Variants in PLEKHA8 observed in about 807,000 individuals in gnomAD.
The protein encoded by PLEKHA8 is pleckstrin homology domain containing A8.
Under a neutral mutation model 68.2 loss-of-function variants are expected in PLEKHA8, and 36 were observed. The ratio of observed to expected loss-of-function variants is 0.53; its 90% CI spans 0.40 to 0.70. The LOEUF is 0.70. Ranked by LOEUF, PLEKHA8 falls within the 30% of genes least tolerant of loss-of-function variation. The pLI, the probability that PLEKHA8 is intolerant of heterozygous loss-of-function variation, is 0.00. For synonymous variants in PLEKHA8, 211 were observed against 216.1 expected, an observed-to-expected ratio of 0.98 and a Z score of 0.20; for missense variants, 505 against 615.4, an observed-to-expected ratio of 0.82 and a Z score of 1.90.
Position 30,055,019 on chromosome 7 carries a change from A to G in PLEKHA8, c.953+154A>G, listed in dbSNP as rs548368197. Among the ~76,000 whole-genome samples the G allele has an allele frequency of 6.6e-5, 10 of 152,358 alleles. No individual in the cohort carries two copies. The East Asian group carries it at 1.3e-3, about 21-fold the overall frequency. ...CTTTACTGTTTACTCTTTCTTACCA[A>G]TGAATAAGAAGGAATTCATTGTGAA... On this transcript the variant is annotated intron_variant, in intron 8 of 13. Transcript: ENST00000449726.
chr7:30,052,766 G>A lies in PLEKHA8; in HGVS notation c.696G>A (p.Glu232=). The A allele has an allele frequency of 3.2e-6, 5 of 1,566,802 alleles. No homozygotes were observed. Among genetic ancestry groups the A allele is most frequent in the Non-Finnish European group, 3.4e-6 (4 of 1,164,786 alleles). The change falls in exon 7 of 14, where the codon GAG becomes GAA. Residue 232 remains glutamate, a synonymous_variant. Coordinates refer to ENST00000449726, the MANE Select transcript of PLEKHA8 (RefSeq NM_001197026.2). ...NGSLNMEING[E]EEILMKNKNS... is the part of the protein sequence containing the mutation. ...CTTTAAATATGGAAATAAATGGTGA[G>A]GAAGAAATCCTAATGAAAAATAAGA...
At chr7:30,031,474 T>C (rs1475476015) in intron 1 of PLEKHA8, among the ~76,000 whole-genome samples, 3 of 152,220 alleles carry the variant, frequency 2.0e-5, no homozygotes, top group South Asian at 4.1e-4. Flanking sequence ...CAAAGCAGAA[T>C]GGAGACGTGC....
chr7:30,126,028 G>C (rs558835171), intron 13 of PLEKHA8, among the ~76,000 whole-genome samples: 1 of 152,072 alleles, frequency 6.6e-6, no homozygotes, highest in East Asian at 1.9e-4. Flanking sequence ...TGTCACATTT[G>C]AGGGTTACCA....
At chr7:30,121,453 AC>A (rs1185307477) in intron 13 of PLEKHA8, among the ~76,000 whole-genome samples, 1 of 151,496 alleles carries the variant, frequency 6.6e-6, no homozygotes, top group Admixed American at 6.6e-5. Context: ...ACATGGTGAA[AC>A]CCCCTCTCTA....
intron 9 of PLEKHA8, among the ~76,000 whole-genome samples, chr7:30,059,042 G>C (rs929755137): frequency 1.8e-4 from 28 of 152,204 alleles, no homozygotes; most frequent in African/African-American, 6.5e-4. Context: ...AATCACACGA[G>C]CCTGGGATAT....
At chr7:30,049,451 G>A (rs1792234520) in intron 5 of PLEKHA8, 69 bp downstream of exon 5, 2 of 1,556,606 alleles carry the variant, frequency 1.3e-6, no homozygotes, top group Admixed American at 1.8e-5. Flanking sequence ...AGTGAGTTAT[G>A]TTCTCTATTA....
intron 12 of PLEKHA8, among the ~76,000 whole-genome samples, chr7:30,072,546 T>G (rs1181451724): frequency 6.6e-6 from 1 of 152,266 alleles, no homozygotes; most frequent in Admixed American, 6.5e-5. Flanking sequence ...TTTTGGCCAG[T>G]AAAATGCAAA....
Position 30,084,620 on chromosome 7 carries a change from C to A in PLEKHA8, c.*5833C>A. 1 of 934,340 alleles carries A rather than the reference C, an allele frequency of 1.1e-6. No homozygotes were observed. 57.9% of individuals were successfully genotyped at this position (934,340 alleles called of 1,614,324 possible). A position where few individuals can be genotyped will look rare whatever the true frequency, so the allele number is the denominator to read the frequency against. ...GAAAATATCTGTCAGATTTTATATT[C>A]GTTAGTTATAATAAACTTATTTTTA... On this transcript the variant is annotated 3_prime_UTR_variant, in exon 14 of 14. Transcript: ENST00000449726.
At chr7:30,035,295 T>C (rs62446675) in intron 1 of PLEKHA8, among the ~76,000 whole-genome samples, 21,994 of 152,194 alleles carry the variant, frequency 0.14, 1,620 homozygotes, top group Middle Eastern at 0.19. Flanking sequence ...GTTAAGAATA[T>C]GTAATGGATA....
At chr7:30,067,435 A>T (rs1308388488) in intron 12 of PLEKHA8, among the ~76,000 whole-genome samples, 4 of 152,148 alleles carry the variant, frequency 2.6e-5, no homozygotes, top group Non-Finnish European at 5.9e-5. Flanking sequence ...GCACCATTGC[A>T]CTCCAGCCTG....
chr7:30,054,710 C>T lies in PLEKHA8; in HGVS notation c.798C>T (p.Val266=), dbSNP rs766635942. The change falls in exon 8 of 14, where the codon GTC becomes GTT. Residue 266 remains valine (V), a splice_region_variant and synonymous_variant. Coordinates refer to ENST00000449726, the MANE Select transcript of PLEKHA8 (RefSeq NM_001197026.2). ...SEENTDDNIT[V]QGEIRKEDGM... The stretch of plus-strand genomic sequence containing the variant: ...TAATAGATATTTTCTACTTTGCAGT[C>T]CAAGGTGAAATAAGGAAGGAAGATG... 2 of 1,571,082 alleles carry T rather than the reference C, an allele frequency of 1.3e-6. No individual in the cohort carries two copies. The highest frequency in any genetic ancestry group is 1.7e-6 in the Non-Finnish European group (2 of 1,152,326).
intron 13 of PLEKHA8, among the ~76,000 whole-genome samples, chr7:30,106,936 G>C (rs187837771): frequency 6.6e-6 from 1 of 152,050 alleles, no homozygotes; most frequent in South Asian, 2.1e-4. Flanking sequence ...TACCTGCCAG[G>C]GTCCTGGAAC....
At chr7:30,091,750 C>T (rs907307384), downstream of PLEKHA8, among the ~76,000 whole-genome samples, 4 of 152,184 alleles carry the variant, frequency 2.6e-5, no homozygotes, top group African/African-American at 9.7e-5. Flanking sequence ...GGATTTTGCA[C>T]ATGAATTGGC....
chr7:30,087,863 A>G (rs1041604459), downstream of PLEKHA8, among the ~76,000 whole-genome samples: 4 of 152,234 alleles, frequency 2.6e-5, no homozygotes, highest in African/African-American at 9.6e-5. Flanking sequence ...TACTTTATGA[A>G]TTACAACTTA....
At chr7:30,040,070 A>T (rs985496852) in intron 1 of PLEKHA8, among the ~76,000 whole-genome samples, 2 of 152,166 alleles carry the variant, frequency 1.3e-5, no homozygotes, top group Non-Finnish European at 2.9e-5. Flanking sequence ...AGGTGTTTTT[A>T]TTATGAAAGG....
intron 13 of PLEKHA8, among the ~76,000 whole-genome samples, chr7:30,098,354 G>A (rs1583466617): frequency 6.6e-6 from 1 of 152,216 alleles, no homozygotes; most frequent in African/African-American, 2.4e-5. Context: ...CTTCAAAGCT[G>A]TCAGACAGGG....
At chr7:30,108,066 T>TCAAAAAAAAAAAAA (rs1796129892) in intron 13 of PLEKHA8, among the ~76,000 whole-genome samples, 1 of 21,802 alleles carries the variant, frequency 4.6e-5, no homozygotes, top group African/African-American at 2.3e-4. Context: ...AAACTCCATC[T>TCAAAAAAAAAAAAA]CAAAAAAAAA....
At position 30,082,508 on chromosome 7, in the gene PLEKHA8, G is replaced by C. The variant is rs1794991053; in HGVS notation, c.*3721G>C. 3 of 985,348 alleles carry C rather than the reference G, an allele frequency of 3.0e-6. No individual in the cohort carries two copies. Among genetic ancestry groups the C allele is most frequent in the Non-Finnish European group, 3.6e-6 (3 of 829,928 alleles). The allele number at this position is 985,348 out of a possible 1,614,324, so 61.0% of individuals were successfully genotyped here. On this transcript the variant is annotated 3_prime_UTR_variant, in exon 14 of 14. Transcript: ENST00000449726. ...TCCCATTTGTAGCTGGAAAGCGGGTGAATGACATGACATGGGGCACCTAGG... is the reference window on the plus strand; with the variant it reads ...TCCCATTTGTAGCTGGAAAGCGGGTCAATGACATGACATGGGGCACCTAGG...
chr7:30,051,396 G>GT (rs201885140), intron 6 of PLEKHA8, among the ~76,000 whole-genome samples: 17,082 of 144,152 alleles, frequency 0.12, 1,264 homozygotes, highest in African/African-American at 0.19. Context: ...TTGAAATATG[G>GT]TTTTTTTTTT....
Sources: allele counts gnomAD v4.1 joint callset (sites outside exome capture counted in the v4.1 genomes callset), GRCh38; gene constraint gnomAD v4.1.1; transcripts MANE v1.5; gene names NCBI Gene and HGNC (gene_info 2026-07-23, HGNC 2026-07-21).